RBFA: variants seen among roughly 807,000 people sequenced by gnomAD.
RBFA encodes the protein putative ribosome-binding factor A, mitochondrial.
A neutral mutation model predicts 27.9 loss-of-function variants in RBFA; 16 were observed. That is an observed-to-expected ratio of 0.57 (90% CI 0.39 to 0.87). The LOEUF is 0.87. RBFA is among the 40% of genes least tolerant of loss of function. The pLI is 0.00. For missense variants in RBFA, 456 were observed against 432.1 expected (o/e 1.06, Z -0.49); for synonymous variants, 181 against 181.0 (o/e 1.00, Z 0.00).
chr18:80,041,536 G>C (rs1204346712), intron 4 of RBFA: 3 of 152,182 alleles, frequency 2.0e-5, no homozygotes, highest in Non-Finnish European at 4.4e-5. Flanking sequence ...GGAGCCCAAG[G>C]CTACGGCGAT....
In RBFA at chr18:80,048,941, C is replaced by T. The variant is rs900852281; in HGVS notation, c.*2786C>T. On this transcript the variant is annotated 3_prime_UTR_variant, in exon 7 of 7. Transcript: ENST00000306735. ...CACGTTTGCAGGGGATCCAACCAGG[C>T]GTCTGCTCAGTGCCTCCTAGAAAGT... 4.2e-5 allele frequency among the ~76,000 whole-genome samples: 6 copies of T among 142,154 alleles called. No individual in the cohort carries two copies. Among genetic ancestry groups the T allele is most frequent in the Non-Finnish European group, 7.7e-5 (5 of 65,174 alleles). 93.3% of individuals were successfully genotyped at this position (142,154 alleles called of 152,430 possible). A position where few individuals can be genotyped will look rare whatever the true frequency, so the allele number is the denominator to read the frequency against.
intron 4 of RBFA, among the ~76,000 whole-genome samples, chr18:80,040,174 A>G (rs924689820): frequency 3.0e-4 from 45 of 151,562 alleles, no homozygotes; most frequent in African/African-American, 1.1e-3. Flanking sequence ...TGTGACAAAG[A>G]AGATCCATAC....
At chr18:80,043,151 C>G (rs2052027851) in intron 5 of RBFA, among the ~76,000 whole-genome samples, 1 of 152,164 alleles carries the variant, frequency 6.6e-6, no homozygotes, top group Admixed American at 6.5e-5. Context: ...ATATACTTCT[C>G]TGGGTGGTGG....
At position 80,037,154 on chromosome 18, in the gene RBFA, A is replaced by G. The variant is rs187777684; in HGVS notation, c.202-176A>G. 2,034 of 521,130 alleles carry G rather than the reference A, an allele frequency of 3.9e-3. 24 individuals carry two copies. Among genetic ancestry groups the G allele is most frequent in the Middle Eastern group, 3.5e-3 (7 of 1,990 alleles). The allele number at this position is 521,130 out of a possible 1,614,324, so 32.3% of individuals were successfully genotyped here. A position where few individuals can be genotyped will look rare whatever the true frequency, so the allele number is the denominator to read the frequency against. ...TTAATCTTGGAGGGTTACCAGGTAA[A>G]ATTTAAAAGGATCCCGGTTTATAAA... is the stretch of plus-strand genomic sequence containing the variant. On this transcript the variant is annotated intron_variant, in intron 2 of 6. Transcript: ENST00000306735.
rs1273136543 is a variant in RBFA, at chr18:80,036,662, C to T, written c.159-6C>T. ...CACTAACATAATGCTTATTTTCTCC[C>T]CAAAGAAAAAAGGTTTGGTATGAAA... On this transcript the variant is annotated splice_polypyrimidine_tract_variant and splice_region_variant and intron_variant, in intron 1 of 6. Coordinates refer to ENST00000306735, the MANE Select transcript of RBFA (RefSeq NM_024805.3). 6.2e-7 allele frequency: 1 copy of T among 1,609,792 alleles called. No homozygotes were observed. The highest frequency in any genetic ancestry group is 1.1e-5 in the South Asian group (1 of 90,428).
intron 1 of RBFA, chr18:80,035,948 A>G (rs1468192521): frequency 1.3e-5 from 2 of 152,108 alleles, no homozygotes; most frequent in African/African-American, 4.8e-5. Flanking sequence ...TTCTGGCACT[A>G]CAAGATACTC....
chr18:80,034,481 T>A lies in RBFA; in HGVS notation c.-15T>A. 6.6e-7 allele frequency: 1 copy of A among 1,517,382 alleles called. No individual in the cohort carries two copies. 94.0% of individuals were successfully genotyped at this position (1,517,382 alleles called of 1,614,324 possible). A position where few individuals can be genotyped will look rare whatever the true frequency, so the allele number is the denominator to read the frequency against. On this transcript the variant is annotated 5_prime_UTR_variant, in exon 1 of 7. Transcript: ENST00000306735. Reference sequence around the variant, plus strand: ...CCGTTGTCTCCCTGCTCGCTCCGGGTCCCGGCGCCGCGCCATGTGGGCTGC... The same window carrying A: ...CCGTTGTCTCCCTGCTCGCTCCGGGACCCGGCGCCGCGCCATGTGGGCTGC...
intron 4 of RBFA, among the ~76,000 whole-genome samples, 156 bp downstream of exon 4, chr18:80,038,773 C>T (rs2051998470): frequency 6.6e-6 from 1 of 152,156 alleles, no homozygotes; most frequent in South Asian, 2.1e-4. Flanking sequence ...GTATAATTTG[C>T]ATTTTTGTAT....
Position 80,048,990 on chromosome 18 carries a change from G to C in RBFA, c.*2835G>C, listed in dbSNP as rs1468335342. 6.7e-6 allele frequency among the ~76,000 whole-genome samples: 1 copy of C among 148,832 alleles called. No homozygotes were observed. Among genetic ancestry groups the C allele is most frequent in the African/African-American group, 2.5e-5 (1 of 40,296 alleles). ...GTGGAGTGTGGGCACGTTTGTAGGGGATCCCACCAGGCATCAGCTCAGTGC... is the reference window on the plus strand; with the variant it reads ...GTGGAGTGTGGGCACGTTTGTAGGGCATCCCACCAGGCATCAGCTCAGTGC... On this transcript the variant is annotated 3_prime_UTR_variant, in exon 7 of 7. Transcript: ENST00000306735.
intron 1 of RBFA, chr18:80,035,687 C>T (rs2051973819): frequency 1.3e-5 from 2 of 152,160 alleles, no homozygotes; most frequent in Admixed American, 6.5e-5. Flanking sequence ...TGTGTGCAGC[C>T]CATGCCTAAT....
In RBFA at chr18:80,034,660, C is replaced by A. The variant is rs1382996975; in HGVS notation, c.158+7C>A. ...AATTTGCCTCGAAAACCAAGTAATG[C>A]GGCGGGGGCGGTGTCCCTGGGCGCG... On this transcript the variant is annotated splice_region_variant and intron_variant, in intron 1 of 6. Transcript: ENST00000306735. 5.6e-6 allele frequency: 9 copies of A among 1,607,258 alleles called. No homozygotes were observed. The highest frequency in any genetic ancestry group is 6.8e-6 in the Non-Finnish European group (8 of 1,178,210).
intron 5 of RBFA, among the ~76,000 whole-genome samples, chr18:80,043,030 A>T (rs2052027156): frequency 6.6e-6 from 1 of 151,966 alleles, no homozygotes; most frequent in Admixed American, 6.5e-5. Context: ...CTTTCGTTTC[A>T]CATTATTGGG....
Position 80,050,507 on chromosome 18 carries a change from GT to G in RBFA, c.*4356del, listed in dbSNP as rs1380646032. On this transcript the variant is annotated 3_prime_UTR_variant, in exon 7 of 7. Coordinates refer to ENST00000306735, the MANE Select transcript of RBFA (RefSeq NM_024805.3). ...GTGCCACAAACAATCCGATTATATT[GT>G]TTTAGTTATTTTTAAATATGCAATT... is the stretch of plus-strand genomic sequence containing the variant. Among the ~76,000 whole-genome samples the G allele has an allele frequency of 2.0e-4, 30 of 152,078 alleles. No individual in the cohort carries two copies. The highest frequency in any genetic ancestry group is 6.8e-4 in the African/African-American group (28 of 41,400).
At position 80,040,154 on chromosome 18, in the gene RBFA, G is replaced by T. The variant is rs558756972; in HGVS notation, c.491+1537G>T. ...AACTGACCTTTAATAAAGTACATTTGTTGAATTTTTGTGACAAAGAAGATC... is the reference window on the plus strand; with the variant it reads ...AACTGACCTTTAATAAAGTACATTTTTTGAATTTTTGTGACAAAGAAGATC... On this transcript the variant is annotated intron_variant, in intron 4 of 6. Transcript: ENST00000306735. 1.3e-4 allele frequency among the ~76,000 whole-genome samples: 19 copies of T among 145,934 alleles called. No individual in the cohort carries two copies. The East Asian group carries it at 2.3e-3, about 18-fold the overall frequency.
rs1260990976 is a variant in RBFA at position 80,037,347 on chromosome 18, G to A, written c.219G>A (p.Lys73=). ...LGSHSTYKPS[K]LEFLMRSTSK... is the part of the protein sequence containing the mutation. ...TGATGGAGACTTACAAACCATCCAAGTTGGAATTCCTCATGAGGAGCACCT... is the reference window on the plus strand; with the variant it reads ...TGATGGAGACTTACAAACCATCCAAATTGGAATTCCTCATGAGGAGCACCT... Residue 73 remains lysine (K), a synonymous_variant, in exon 3 of 7, where the codon AAG becomes AAA. Coordinates refer to ENST00000306735, the MANE Select transcript of RBFA (RefSeq NM_024805.3). 1 of 1,613,950 alleles carries A rather than the reference G, an allele frequency of 6.2e-7. No individual in the cohort carries two copies. Among genetic ancestry groups the A allele is most frequent in the Non-Finnish European group, 8.5e-7 (1 of 1,179,962 alleles).
chr18:80,045,354 G>A (rs977553778), intron 6 of RBFA, among the ~76,000 whole-genome samples: 3 of 151,650 alleles, frequency 2.0e-5, no homozygotes, highest in African/African-American at 7.3e-5. Context: ...AGCCTCCTGC[G>A]TAGCTGGGAT....
rs1202308236 is a variant in RBFA, at chr18:80,048,345, C to T, written c.*2190C>T. The stretch of plus-strand genomic sequence containing the variant: ...GTGCTTTGTGTTAACCTGCCCCCCG[C>T]CCCCTAACTTGGGAAAGGTGTTAAA... On this transcript the variant is annotated 3_prime_UTR_variant, in exon 7 of 7. Transcript: ENST00000306735. 6.6e-6 allele frequency among the ~76,000 whole-genome samples: 1 copy of T among 152,154 alleles called. No individual in the cohort carries two copies. Among genetic ancestry groups the T allele is most frequent in the Admixed American group, 6.5e-5 (1 of 15,274 alleles).
In RBFA at chr18:80,037,944, A is replaced by G. The variant is rs146711134; in HGVS notation, c.378+438A>G. On this transcript the variant is annotated intron_variant, in intron 3 of 6. Transcript: ENST00000306735. ...GAAGTCTTAGTTCTGGGTTGCAGAA[A>G]TAGAAATGATGCTCAGTCTGGTCAT... Among the ~76,000 whole-genome samples the G allele has an allele frequency of 3.3e-4, 51 of 152,256 alleles. No homozygotes were observed. In the East Asian group the frequency reaches 7.1e-3, roughly 21 times the overall value.
rs777595627 is a variant in RBFA, at chr18:80,042,156, G to A, written c.513G>A (p.Gln171=). ...CTAGGCACCTTTTGATGTCCCAGCAGACCCTGAGGAATGTGCCACCGATAG... is the reference window on the plus strand; with the variant it reads ...CTAGGCACCTTTTGATGTCCCAGCAAACCCTGAGGAATGTGCCACCGATAG... ...AHMRHLLMSQ[Q]TLRNVPPIVF... is the part of the protein sequence containing the mutation. The change falls in exon 5 of 7, where the codon CAG becomes CAA. Residue 171 remains glutamine, a synonymous_variant. Coordinates refer to ENST00000306735, the MANE Select transcript of RBFA (RefSeq NM_024805.3). 7.4e-6 allele frequency: 12 copies of A among 1,610,990 alleles called. No homozygotes were observed. The highest frequency in any genetic ancestry group is 2.2e-5 in the East Asian group (1 of 44,678).
Sources: gnomAD v4.1 joint callset for allele counts (sites outside exome capture counted in the v4.1 genomes callset) on GRCh38, gnomAD v4.1.1 for gene constraint, MANE v1.5 for transcripts, NCBI Gene and HGNC (gene_info 2026-07-23, HGNC 2026-07-21) for gene names.